Variants in CRADD observed in about 807,000 individuals in gnomAD.
CRADD encodes the protein death domain-containing protein CRADD.
In CRADD, 9 loss-of-function variants were observed where a neutral mutation model predicts 15.5. That is an observed-to-expected ratio of 0.58 (90% CI 0.35 to 1.01). The LOEUF (loss-of-function observed/expected upper bound fraction) is 1.01. Among genes scored for constraint, CRADD ranks in the 50% least tolerant of loss-of-function variants. CRADD has a pLI of 0.02. For synonymous variants in CRADD, 118 were observed against 107.6 expected (o/e 1.10, Z -0.60); for missense variants, 227 against 250.3 (o/e 0.91, Z 0.63).
chr12:93,817,488 T>C (rs1333427889), intron 2 of CRADD, among the ~76,000 whole-genome samples: 3 of 152,182 alleles, frequency 2.0e-5, no homozygotes, highest in Non-Finnish European at 2.9e-5. Context: ...AAGCAACTCC[T>C]CCAAGGTCAC....
chr12:93,801,997 A>C (rs1244627300), intron 2 of CRADD, among the ~76,000 whole-genome samples: 1 of 152,204 alleles, frequency 6.6e-6, no homozygotes, highest in Non-Finnish European at 1.5e-5. Flanking sequence ...CTCCAGCTCC[A>C]TCCAAGTTGC....
intron 2 of CRADD, among the ~76,000 whole-genome samples, chr12:93,872,645 C>T (rs1294500708): frequency 2.0e-5 from 3 of 152,070 alleles, no homozygotes; most frequent in South Asian, 2.1e-4. Flanking sequence ...TTTCCTAACA[C>T]CATTTGTTGA....
chr12:93,733,977 T>G (rs1956516816), intron 2 of CRADD, among the ~76,000 whole-genome samples: 1 of 152,196 alleles, frequency 6.6e-6, no homozygotes, highest in African/African-American at 2.4e-5. Flanking sequence ...GCTCAGGCCA[T>G]CTGTCTACCT....
At chr12:93,874,882 AC>A (rs927483119) in intron 2 of CRADD, among the ~76,000 whole-genome samples, 1 of 152,032 alleles carries the variant, frequency 6.6e-6, no homozygotes, top group Non-Finnish European at 1.5e-5. Flanking sequence ...AGGAAAAAAA[AC>A]GTGTATTCTG....
At chr12:93,833,764 AT>A (rs920868053) in intron 2 of CRADD, among the ~76,000 whole-genome samples, 7 of 151,842 alleles carry the variant, frequency 4.6e-5, no homozygotes, top group Admixed American at 1.3e-4. Flanking sequence ...TAAAAATGTT[AT>A]TTTTTCCCCC....
intron 2 of CRADD, among the ~76,000 whole-genome samples, chr12:93,867,403 A>ATATATATATATATTTTTT (rs985334638): frequency 1.8e-4 from 26 of 143,424 alleles, no homozygotes; most frequent in Non-Finnish European, 2.8e-4. Flanking sequence ...ATATATATAT[A>ATATATATATATATTTTTT]TTTTTTAAAC....
intron 2 of CRADD, among the ~76,000 whole-genome samples, chr12:93,874,710 A>G (rs576934538): frequency 2.6e-5 from 4 of 151,978 alleles, no homozygotes; most frequent in Non-Finnish European, 4.4e-5. Context: ...TTTAATTTCT[A>G]TGTATTTGTA....
At position 93,811,954 on chromosome 12, in the gene CRADD, A is replaced by G. The variant is rs371060572; in HGVS notation, c.299-38016A>G. ...CATCTGTATCTTTTATTCAGTGATA[A>G]AAGAAATGAGCTGTCAAGCCATGAA... On this transcript the variant is annotated intron_variant, in intron 2 of 2. Coordinates refer to ENST00000332896, the MANE Select transcript of CRADD (RefSeq NM_003805.5). 1.5e-3 allele frequency among the ~76,000 whole-genome samples: 227 copies of G among 152,330 alleles called. 3 individuals are homozygous for G. The South Asian group carries it at 0.034, about 23-fold the overall frequency.
At chr12:93,860,523 G>T (rs1232998542) in intron 2 of CRADD, among the ~76,000 whole-genome samples, 1 of 152,134 alleles carries the variant, frequency 6.6e-6, no homozygotes, top group African/African-American at 2.4e-5. Context: ...TGCAGCAAAG[G>T]GCAGGAAGAG....
At position 93,750,158 on chromosome 12, in the gene CRADD, G is replaced by A. The variant is rs7358644; in HGVS notation, c.298+71086G>A. On this transcript the variant is annotated intron_variant, in intron 2 of 2. Transcript: ENST00000332896. ...AGTGTGCAATGTAGAAAGGAACTTC[G>A]GGCATATAAATCTGACTCCAGAACC... Among the ~76,000 whole-genome samples the A allele has an allele frequency of 1.2e-4, 18 of 152,220 alleles. 2 individuals are homozygous for A. The highest frequency in any genetic ancestry group is 1.0e-3 in the Admixed American group (16 of 15,288).
At chr12:93,890,220 A>G (rs1173743715) in intron 2 of CRADD, among the ~76,000 whole-genome samples, 2 of 152,340 alleles carry the variant, frequency 1.3e-5, no homozygotes, top group East Asian at 3.9e-4. Flanking sequence ...CAGATTTATC[A>G]TCTGTAGAAT....
chr12:93,698,119 T>C (rs1280278041), intron 2 of CRADD, among the ~76,000 whole-genome samples: 1 of 152,018 alleles, frequency 6.6e-6, no homozygotes, highest in Non-Finnish European at 1.5e-5. Flanking sequence ...ATCGGGAGAA[T>C]TGTGGGAGCT....
chr12:93,839,882 T>C (rs1199266941), intron 2 of CRADD, among the ~76,000 whole-genome samples: 2 of 152,216 alleles, frequency 1.3e-5, no homozygotes, highest in Non-Finnish European at 2.9e-5. Flanking sequence ...GTCTCCTTCA[T>C]TGAGCAGAAA....
chr12:93,846,416 A>G (rs11107214), intron 2 of CRADD: 19,664 of 152,082 alleles, frequency 0.13, 1,613 homozygotes, highest in Non-Finnish European at 0.18. Flanking sequence ...AAGGGTTCCA[A>G]TTTCTCCACA....
chr12:93,706,788 T>G (rs1334712322), intron 2 of CRADD, among the ~76,000 whole-genome samples: 1 of 152,254 alleles, frequency 6.6e-6, no homozygotes, highest in Non-Finnish European at 1.5e-5. Flanking sequence ...TCAGAAATTC[T>G]TAGTATTGCA....
chr12:93,856,657 A>G (rs1958277508), intron 2 of CRADD, among the ~76,000 whole-genome samples: 2 of 152,238 alleles, frequency 1.3e-5, no homozygotes, highest in South Asian at 2.1e-4. Context: ...CAAGATAAAT[A>G]TGCCTCCAAA....
At chr12:93,773,811 G>GA (rs1957110917) in intron 2 of CRADD, among the ~76,000 whole-genome samples, 1 of 79,736 alleles carries the variant, frequency 1.3e-5, no homozygotes, top group Admixed American at 1.6e-4. Flanking sequence ...CCTACTTTGT[G>GA]AGTTTTTTTT....
chr12:93,742,461 C>T (rs1017323584), intron 2 of CRADD, among the ~76,000 whole-genome samples: 4 of 150,854 alleles, frequency 2.7e-5, no homozygotes, highest in Non-Finnish European at 4.4e-5. Context: ...CTGCGGGCCC[C>T]GGCTGCCCAG....
At chr12:93,818,074 G>A (rs1048215690) in intron 2 of CRADD, among the ~76,000 whole-genome samples, 2 of 152,178 alleles carry the variant, frequency 1.3e-5, no homozygotes, top group African/African-American at 4.8e-5. Flanking sequence ...AGAGATAGGA[G>A]AAACAGATTC....
Sources: gnomAD v4.1 joint callset for allele counts (sites outside exome capture counted in the v4.1 genomes callset) on GRCh38, gnomAD v4.1.1 for gene constraint, MANE v1.5 for transcripts, NCBI Gene and HGNC (gene_info 2026-07-23, HGNC 2026-07-21) for gene names.